The following ABCA8 variants were observed in gnomAD, a reference collection of about 807,000 sequenced individuals.
The protein encoded by ABCA8 is ABC-type organic anion transporter ABCA8.
ABCA8 carries 177 observed loss-of-function variants against 192.3 expected under a neutral mutation model. The ratio of observed to expected loss-of-function variants is 0.92; its 90% CI spans 0.81 to 1.04. The LOEUF is 1.04. ABCA8 is among the 50% of genes least tolerant of loss of function. The pLI is 0.00. For synonymous variants in ABCA8, 642 were observed against 690.2 expected (o/e 0.93, Z 1.09); for missense variants, 1,915 against 1,904.8 (o/e 1.01, Z -0.10).
At chr17:68,927,845 C>T (rs941565141) in intron 10 of ABCA8, 71 bp downstream of exon 10, 3 of 1,164,938 alleles carry the variant, frequency 2.6e-6, no homozygotes, top group South Asian at 3.1e-5. Flanking sequence ...AATAGTATAT[C>T]CATTAGGAGA....
chr17:68,881,244 T>C, intron 31 of ABCA8, 33 bp from the exon 32 acceptor site: 1 of 1,404,540 alleles, frequency 7.1e-7, no homozygotes, highest in Non-Finnish European at 1.0e-6. Context: ...TATTAATCTA[T>C]TTTAATGGTA....
rs371789127 is a variant in ABCA8, at chr17:68,895,018, G to T, written c.2765-5C>A. 20 of 1,591,266 alleles carry T rather than the reference G, an allele frequency of 1.3e-5. No individual in the cohort carries two copies. The highest frequency in any genetic ancestry group is 1.7e-5 in the Non-Finnish European group (20 of 1,171,292). On this transcript the variant is annotated splice_region_variant and splice_polypyrimidine_tract_variant and intron_variant, in intron 21 of 39. Transcript: ENST00000586539. Reference sequence around the variant, plus strand: ...TAAAGTCATCAATGCTTGCCCCTAAGGTGTAGTTAAAGATATTAGGTATCA... The same window carrying T: ...TAAAGTCATCAATGCTTGCCCCTAATGTGTAGTTAAAGATATTAGGTATCA...
chr17:68,922,192 C>T (rs559497489), intron 12 of ABCA8, 50 bp downstream of exon 12: 14 of 477,664 alleles, frequency 2.9e-5, no homozygotes, highest in Admixed American at 1.3e-4. Flanking sequence ...CTTTCTCTCT[C>T]TCTTTTTTTT....
intron 10 of ABCA8, 62 bp from the exon 11 acceptor site, chr17:68,924,931 A>G (rs2067656557): frequency 6.5e-7 from 1 of 1,545,238 alleles, no homozygotes; most frequent in Non-Finnish European, 8.8e-7. Flanking sequence ...AGAGAGTCAC[A>G]GTAATGTAGC....
At chr17:68,933,311 A>G (rs1439656454) in intron 5 of ABCA8, 40 bp from the exon 6 acceptor site, 2 of 1,264,800 alleles carry the variant, frequency 1.6e-6, no homozygotes, top group African/African-American at 3.0e-5. Context: ...TTACATCACT[A>G]TCTATATTAT....
Position 68,882,581 on chromosome 17 carries a change from C to G in ABCA8, c.3828+18G>C. On this transcript the variant is annotated intron_variant, in intron 30 of 39. Transcript: ENST00000586539. ...CTGGTAGACTGACTAATAAAAAAAC[C>G]TTTGTGTTATGTTTTACCTCATCAA... The G allele has an allele frequency of 6.3e-7, 1 of 1,597,624 alleles. No homozygotes were observed. The highest frequency in any genetic ancestry group is 1.1e-5 in the South Asian group (1 of 88,370).
intron 21 of ABCA8, among the ~76,000 whole-genome samples, chr17:68,900,669 A>G (rs1481906352): frequency 6.6e-6 from 1 of 152,100 alleles, no homozygotes; most frequent in African/African-American, 2.4e-5. Flanking sequence ...ATGAATAGAG[A>G]TGGAAAACAT....
At chr17:68,949,262 G>A (rs1318095866) in intron 2 of ABCA8, 50 bp downstream of exon 2, 2 of 152,174 alleles carry the variant, frequency 1.3e-5, no homozygotes, top group African/African-American at 2.4e-5. Flanking sequence ...TCAAATCCCT[G>A]AATAGGCTGA....
At position 68,917,393 on chromosome 17, in the gene ABCA8, T is replaced by C; in HGVS notation, c.2106A>G (p.Leu702=). 1 of 1,612,470 alleles carries C rather than the reference T, an allele frequency of 6.2e-7. No homozygotes were observed. Among genetic ancestry groups the C allele is most frequent in the Non-Finnish European group, 8.5e-7 (1 of 1,179,032 alleles). Residue 702 remains leucine (L), a synonymous_variant, in exon 17 of 40, where the codon CTA becomes CTG. Transcript: ENST00000586539. ...KLKCAGSSLF[L]KKKWGIGYHL... ...GATATCCAATCCCCCATTTCTTCTT[T>C]AGAAACAAAGAAGAGCCCGCGCACT...
chr17:68,906,021 T>A (rs1460872200), intron 19 of ABCA8, 23 bp downstream of exon 19: 2 of 1,549,700 alleles, frequency 1.3e-6, no homozygotes, highest in South Asian at 1.2e-5. Context: ...TTTTACATAA[T>A]AATTTTCATG....
At chr17:68,871,962 A>T (rs1006593896) in intron 37 of ABCA8, among the ~76,000 whole-genome samples, 1 of 152,196 alleles carries the variant, frequency 6.6e-6, no homozygotes, top group Non-Finnish European at 1.5e-5. Flanking sequence ...ACTTCTACTT[A>T]TAAAAAAGTT....
At chr17:68,924,667 T>A in intron 11 of ABCA8, 34 bp downstream of exon 11, 1 of 1,596,870 alleles carries the variant, frequency 6.3e-7, no homozygotes, top group Non-Finnish European at 8.5e-7. Flanking sequence ...GCTTCCTGCC[T>A]TTTTGCCCTG....
intron 37 of ABCA8, among the ~76,000 whole-genome samples, chr17:68,874,839 A>G (rs1043810805): frequency 2.6e-5 from 4 of 152,246 alleles, no homozygotes; most frequent in African/African-American, 7.2e-5. Flanking sequence ...GATTTGAAAT[A>G]AAATAATTAG....
rs765755697 is a variant in ABCA8 at position 68,876,742 on chromosome 17, G to C, written c.4200-39C>G. The C allele has an allele frequency of 6.2e-6, 10 of 1,612,742 alleles. No homozygotes were observed. The East Asian group carries it at 1.3e-4, about 22-fold the overall frequency. Reference sequence around the variant, plus strand: ...GAGAGTCGTACAGTCTTCTTGACAAGAGGAAATAGATAAGAGGATAACCCA... The same window carrying C: ...GAGAGTCGTACAGTCTTCTTGACAACAGGAAATAGATAAGAGGATAACCCA... On this transcript the variant is annotated intron_variant, in intron 33 of 39. Transcript: ENST00000586539.
intron 37 of ABCA8, 115 bp downstream of exon 37, chr17:68,875,145 A>G (rs993032645): frequency 1.4e-6 from 2 of 1,427,962 alleles, no homozygotes; most frequent in African/African-American, 2.8e-5. Context: ...TTCCTGCAGA[A>G]TCCAACAAAT....
At chr17:68,897,112 G>A (rs1460434707) in intron 21 of ABCA8, among the ~76,000 whole-genome samples, 4 of 152,212 alleles carry the variant, frequency 2.6e-5, no homozygotes, top group African/African-American at 9.6e-5. Context: ...AAACTGTGGA[G>A]CAACTTATGC....
rs114810634 is a variant in ABCA8 at position 68,894,442 on chromosome 17, A to C, written c.2899-132T>G. The C allele has an allele frequency of 3.6e-4, 275 of 754,626 alleles. No homozygotes were observed. In the African/African-American group the frequency reaches 4.0e-3, roughly 11 times the overall value. The allele number at this position is 754,626 out of a possible 1,614,324, so 46.7% of individuals were successfully genotyped here. On this transcript the variant is annotated intron_variant, in intron 22 of 39. Transcript: ENST00000586539. ...GTTAAATAATCACAATAAAAAGCCAAACACTGTGTAAGTAAAATCAAATAC... is the reference window on the plus strand; with the variant it reads ...GTTAAATAATCACAATAAAAAGCCACACACTGTGTAAGTAAAATCAAATAC...
intron 11 of ABCA8, among the ~76,000 whole-genome samples, chr17:68,924,007 C>T (rs2067619294): frequency 6.6e-6 from 1 of 152,134 alleles, no homozygotes; most frequent in Non-Finnish European, 1.5e-5. Context: ...GTCCTTCTTT[C>T]TTACTCTTTC....
At position 68,876,497 on chromosome 17, in the gene ABCA8, A is replaced by G; in HGVS notation, c.4333T>C (p.Ser1445Pro). 1 of 1,614,008 alleles carries G rather than the reference A, an allele frequency of 6.2e-7. No individual in the cohort carries two copies. Among genetic ancestry groups the G allele is most frequent in the Non-Finnish European group, 8.5e-7 (1 of 1,179,940 alleles). Residue 1445 changes from serine (S) to proline (P), a missense_variant, in exon 35 of 40, where the codon TCG becomes CCG. Physicochemically the swap from Ser to Pro is moderately conservative, Grantham distance 74. Coordinates refer to ENST00000586539, the MANE Select transcript of ABCA8 (RefSeq NM_001288985.2). Reference protein sequence around the residue: ...NPSVVLLDEPSTGMDPEGQQQ... With the variant: ...NPSVVLLDEPPTGMDPEGQQQ... ...TGCCCCTCGGGGTCCATCCCGGTCG[A>G]CGGCTCATCCAGAAGCACCACTGAC...
Sources: gnomAD v4.1 joint callset for allele counts (sites outside exome capture counted in the v4.1 genomes callset) on GRCh38, gnomAD v4.1.1 for gene constraint, MANE v1.5 for transcripts, NCBI Gene and HGNC (gene_info 2026-07-23, HGNC 2026-07-21) for gene names.